PTPRN2: variants seen among roughly 807,000 people sequenced by gnomAD.
PTPRN2 encodes the protein protein tyrosine phosphatase receptor type N2, also known as receptor-type tyrosine-protein phosphatase N2.
Under a neutral mutation model 118.8 loss-of-function variants are expected in PTPRN2, and 74 were observed. That is an observed-to-expected ratio of 0.62 (90% CI 0.52 to 0.76). PTPRN2 has a LOEUF of 0.76. PTPRN2 is among the 30% of genes least tolerant of loss of function. The pLI is 0.00. For synonymous variants in PTPRN2, 641 were observed against 608.0 expected (o/e 1.05, Z -0.80); for missense variants, 1,481 against 1,394.4 (o/e 1.06, Z -0.99).
At chr7:158,391,527 G>A (rs955051521) in intron 2 of PTPRN2, among the ~76,000 whole-genome samples, 2 of 152,222 alleles carry the variant, frequency 1.3e-5, no homozygotes, top group African/African-American at 2.4e-5. Context: ...GTCACCATGA[G>A]GAGGATACAA....
chr7:157,895,586 A>C (rs1797064129), intron 12 of PTPRN2, among the ~76,000 whole-genome samples: 1 of 152,220 alleles, frequency 6.6e-6, no homozygotes, highest in Admixed American at 6.5e-5. Flanking sequence ...AGTAACCAAG[A>C]GAAAAGTACC....
chr7:158,532,246 G>A lies in PTPRN2; in HGVS notation c.113-42461C>T, dbSNP rs115078159. On this transcript the variant is annotated intron_variant, in intron 1 of 22. Transcript: ENST00000389418. ...AAAAGATCCTCAGCTCGTCGGGCAC[G>A]ACCTTGCTTTGTTATCTGCTCTTGG... is the stretch of plus-strand genomic sequence containing the variant. Among the ~76,000 whole-genome samples the A allele has an allele frequency of 7.9e-3, 1,196 of 152,282 alleles. 15 individuals are homozygous for A. Among genetic ancestry groups the A allele is most frequent in the African/African-American group, 0.026 (1,088 of 41,558 alleles).
chr7:157,591,243 T>C lies in PTPRN2; in HGVS notation c.2496+3995A>G, dbSNP rs1401296056. 6.6e-6 allele frequency among the ~76,000 whole-genome samples: 1 copy of C among 152,166 alleles called. No homozygotes were observed. The highest frequency in any genetic ancestry group is 2.4e-5 in the African/African-American group (1 of 41,424). ...ACGGCCATCTTTCCCATCACGGCCT[T>C]TCTCACGCTCACACTTTCTTCCTGG... On this transcript the variant is annotated intron_variant, in intron 17 of 22. Transcript: ENST00000389418. This position sits in a 1 kb window ranked among gnomAD's most constrained non-coding sequence, Gnocchi z 4.4.
At chr7:158,507,513 G>A (rs1166300439) in intron 1 of PTPRN2, among the ~76,000 whole-genome samples, 2 of 150,968 alleles carry the variant, frequency 1.3e-5, no homozygotes, top group African/African-American at 2.4e-5. Context: ...CCCTGCGCTG[G>A]GCGGGAAATC....
intron 3 of PTPRN2, among the ~76,000 whole-genome samples, chr7:158,262,162 C>A (rs746907097): frequency 6.6e-6 from 1 of 152,156 alleles, no homozygotes; most frequent in African/African-American, 2.4e-5. Context: ...GAGGCCTCCC[C>A]GGTTCACTCC....
intron 3 of PTPRN2, among the ~76,000 whole-genome samples, chr7:158,214,077 T>C (rs550095282): frequency 9.9e-5 from 15 of 152,110 alleles, no homozygotes; most frequent in African/African-American, 3.6e-4. Context: ...GAAGAAACTG[T>C]GCTCTTAGAT....
At chr7:157,552,452 A>G (rs221274) in intron 21 of PTPRN2, among the ~76,000 whole-genome samples, 146,059 of 152,034 alleles carry the variant, frequency 0.96, 70,253 homozygotes, top group Middle Eastern at 1. Flanking sequence ...CACACACCCC[A>G]ACTGCTGACC....
chr7:158,201,782 T>A (rs1826666801), intron 4 of PTPRN2, among the ~76,000 whole-genome samples: 1 of 152,200 alleles, frequency 6.6e-6, no homozygotes, highest in African/African-American at 2.4e-5. Context: ...AGAAAATGTT[T>A]GAATTCACCT....
At chr7:157,571,145 AG>A (rs1474401780) in intron 20 of PTPRN2, among the ~76,000 whole-genome samples, 1 of 133,882 alleles carries the variant, frequency 7.5e-6, no homozygotes, top group East Asian at 2.4e-4. Flanking sequence ...CGGGAGGTGG[AG>A]GTTGCAGTGA....
intron 3 of PTPRN2, among the ~76,000 whole-genome samples, chr7:158,234,570 T>C (rs1441518349): frequency 6.9e-6 from 1 of 145,964 alleles, no homozygotes; most frequent in Non-Finnish European, 1.5e-5. Context: ...AATAAAAACA[T>C]ACAAATGGCC....
At chr7:157,961,357 A>C (rs1449036014) in intron 11 of PTPRN2, among the ~76,000 whole-genome samples, 1 of 151,974 alleles carries the variant, frequency 6.6e-6, no homozygotes, top group African/African-American at 2.4e-5. Context: ...CAGGGTGAAG[A>C]CCCATCTCTA....
At chr7:158,111,024 G>A in intron 9 of PTPRN2, 109 bp from the exon 10 acceptor site, 2 of 935,880 alleles carry the variant, frequency 2.1e-6, no homozygotes, top group South Asian at 1.5e-5. Context: ...CACACACCCT[G>A]CTCTCCTGGC....
At chr7:158,389,308 C>T (rs1034282080) in intron 2 of PTPRN2, among the ~76,000 whole-genome samples, 5 of 152,236 alleles carry the variant, frequency 3.3e-5, no homozygotes, top group South Asian at 4.1e-4. Context: ...GACACGCAGC[C>T]GTGTCCATAG....
chr7:158,260,046 CAT>C (rs72151703), intron 3 of PTPRN2, among the ~76,000 whole-genome samples: 32,250 of 145,152 alleles, frequency 0.22, 4,449 homozygotes, highest in Middle Eastern at 0.31. Context: ...TTTGTGTGTA[CAT>C]GTGTGTGCAT....
Position 158,278,068 on chromosome 7 carries a change from G to A in PTPRN2, c.277+38751C>T, listed in dbSNP as rs552627465. Among the ~76,000 whole-genome samples the A allele has an allele frequency of 5.9e-5, 9 of 152,290 alleles. No homozygotes were observed. In the East Asian group the frequency reaches 1.5e-3, roughly 26 times the overall value. The stretch of plus-strand genomic sequence containing the variant: ...ATCAGATCCAAGGCCCGGGGTGGCC[G>A]GGGACCAAGTATGGCTCCTATGAGA... On this transcript the variant is annotated intron_variant, in intron 3 of 22. Coordinates refer to ENST00000389418, the MANE Select transcript of PTPRN2 (RefSeq NM_002847.5).
At chr7:158,350,981 C>T (rs1252397050) in intron 2 of PTPRN2, among the ~76,000 whole-genome samples, 1 of 152,216 alleles carries the variant, frequency 6.6e-6, no homozygotes, top group Non-Finnish European at 1.5e-5. Context: ...CATTCAGGTG[C>T]CAGTTCCGTC....
At position 157,793,355 on chromosome 7, in the gene PTPRN2, A is replaced by G. The variant is rs938850900; in HGVS notation, c.1788+105318T>C. On this transcript the variant is annotated intron_variant, in intron 12 of 22. Coordinates refer to ENST00000389418, the MANE Select transcript of PTPRN2 (RefSeq NM_002847.5). ...CCCTCGCGGCGGTGATAACCTTTAC[A>G]TTTTGGGGTGCTCTGTGGACCCCCT... Among the ~76,000 whole-genome samples the G allele has an allele frequency of 6.6e-5, 10 of 151,940 alleles. No individual in the cohort carries two copies. In the East Asian group the frequency reaches 1.7e-3, roughly 26 times the overall value.
At chr7:158,514,681 A>G (rs1354772390) in intron 1 of PTPRN2, among the ~76,000 whole-genome samples, 1 of 152,238 alleles carries the variant, frequency 6.6e-6, no homozygotes, top group Non-Finnish European at 1.5e-5. Context: ...TCATCCATCA[A>G]CATGCATGCA....
intron 9 of PTPRN2, among the ~76,000 whole-genome samples, chr7:158,112,254 G>C (rs1238797911): frequency 6.6e-6 from 1 of 152,252 alleles, no homozygotes; most frequent in Non-Finnish European, 1.5e-5. Flanking sequence ...GCTGTGGAGG[G>C]AAGGGCAGAG....
Sources: allele counts gnomAD v4.1 joint callset (sites outside exome capture counted in the v4.1 genomes callset), GRCh38; gene constraint gnomAD v4.1.1; non-coding constraint Gnocchi (gnomAD v3.1); transcripts MANE v1.5; gene names NCBI Gene and HGNC (gene_info 2026-07-23, HGNC 2026-07-21).